The following CSGALNACT1 variants were observed in gnomAD, a reference collection of about 807,000 sequenced individuals.
The protein encoded by CSGALNACT1 is beta4GalNAcT-1.
Under a neutral mutation model 51.0 loss-of-function variants are expected in CSGALNACT1, and 52 were observed. That is an observed-to-expected ratio of 1.02 (90% CI 0.82 to 1.29). The LOEUF (loss-of-function observed/expected upper bound fraction) is 1.29. Among genes scored for constraint, CSGALNACT1 ranks in the 50% most tolerant of loss-of-function variants. The pLI is 0.00. For missense variants in CSGALNACT1, 935 were observed against 679.2 expected (o/e 1.38, Z -4.19); for synonymous variants, 341 against 254.4 (o/e 1.34, Z -3.24).
intron 1 of CSGALNACT1, among the ~76,000 whole-genome samples, chr8:19,719,686 G>A (rs1387041157): frequency 3.3e-5 from 5 of 152,144 alleles, no homozygotes; most frequent in Non-Finnish European, 7.3e-5. Context: ...CACAGTTAAA[G>A]CCACTCATTC....
intron 1 of CSGALNACT1, among the ~76,000 whole-genome samples, chr8:19,657,403 T>C (rs371556589): frequency 1.3e-5 from 2 of 152,198 alleles, no homozygotes; most frequent in Non-Finnish European, 2.9e-5. Context: ...GAAGAAATAA[T>C]GGTTGGATAT....
At chr8:19,654,840 C>A (rs1376543311) in intron 1 of CSGALNACT1, among the ~76,000 whole-genome samples, 1 of 152,076 alleles carries the variant, frequency 6.6e-6, no homozygotes, top group East Asian at 1.9e-4. Flanking sequence ...GCCACTGTGC[C>A]CAGCCTAAGT....
At chr8:19,589,528 G>A (rs58499968) in intron 3 of CSGALNACT1, among the ~76,000 whole-genome samples, 17,437 of 152,156 alleles carry the variant, frequency 0.11, 1,074 homozygotes, top group Middle Eastern at 0.15. Context: ...GTTTAATCAC[G>A]TTGGGTTGGC....
At chr8:19,585,240 T>A (rs887273023) in intron 3 of CSGALNACT1, 1 of 152,148 alleles carries the variant, frequency 6.6e-6, no homozygotes, top group African/African-American at 2.4e-5. Context: ...CCACAAAGGT[T>A]CTCTCCTCCA....
chr8:19,422,143 G>C (rs1358957269), intron 6 of CSGALNACT1, among the ~76,000 whole-genome samples: 1 of 151,734 alleles, frequency 6.6e-6, no homozygotes, highest in African/African-American at 2.4e-5. Context: ...TTTTTCTTTG[G>C]TTAAAAAAAC....
intron 3 of CSGALNACT1, among the ~76,000 whole-genome samples, chr8:19,508,053 T>C (rs1316790493): frequency 3.3e-5 from 5 of 152,250 alleles, no homozygotes; most frequent in Non-Finnish European, 7.3e-5. Flanking sequence ...ATTCTTTATA[T>C]AGTCTTCACC....
intron 1 of CSGALNACT1, among the ~76,000 whole-genome samples, chr8:19,702,208 A>G (rs1465003190): frequency 6.6e-6 from 1 of 152,104 alleles, no homozygotes; most frequent in East Asian, 1.9e-4. Context: ...AGCCCTTCCC[A>G]AAGGTATTCA....
chr8:19,481,947 G>A (rs1292909548), intron 4 of CSGALNACT1, among the ~76,000 whole-genome samples: 3 of 152,206 alleles, frequency 2.0e-5, no homozygotes, highest in Non-Finnish European at 4.4e-5. Context: ...AATGCTGGCA[G>A]GAGTGCAGGG....
At chr8:19,473,109 T>A (rs1167229714) in intron 4 of CSGALNACT1, among the ~76,000 whole-genome samples, 1 of 152,202 alleles carries the variant, frequency 6.6e-6, no homozygotes, top group African/African-American at 2.4e-5. Flanking sequence ...GAAAGCAGAA[T>A]GCAATTGCTA....
chr8:19,755,606 C>A lies in CSGALNACT1; in HGVS notation c.-297+2244G>T, dbSNP rs1457184258. ...TATTGGCATTTTACAAATTAGGACA[C>A]CAAGGCTAGGAAAGGGGAAGTAACT... On this transcript the variant is annotated intron_variant, in intron 1 of 1. Coordinates refer to the CSGALNACT1 transcript ENST00000517494. 2.6e-5 allele frequency among the ~76,000 whole-genome samples: 4 copies of A among 151,994 alleles called. No individual in the cohort carries two copies. The East Asian group carries it at 5.8e-4, about 22-fold the overall frequency.
intron 1 of CSGALNACT1, among the ~76,000 whole-genome samples, chr8:19,620,680 C>A (rs1440735544): frequency 6.6e-6 from 1 of 152,190 alleles, no homozygotes; most frequent in African/African-American, 2.4e-5. Context: ...ACAATCCTCC[C>A]ACCTTGGCCT....
At chr8:19,712,057 G>A (rs1340394442) in intron 1 of CSGALNACT1, among the ~76,000 whole-genome samples, 1 of 151,944 alleles carries the variant, frequency 6.6e-6, no homozygotes, top group African/African-American at 2.4e-5. Flanking sequence ...ACAGAGTCTC[G>A]CTCTGTCATC....
chr8:19,406,170 G>T, intron 9 of CSGALNACT1, 101 bp from the exon 9 acceptor site: 10 of 1,340,278 alleles, frequency 7.5e-6, no homozygotes, highest in Non-Finnish European at 1.1e-5. Context: ...TGACTGGGGG[G>T]GATGCGTGCT....
intron 1 of CSGALNACT1, among the ~76,000 whole-genome samples, chr8:19,677,739 T>G (rs562098733): frequency 6.0e-4 from 91 of 152,010 alleles, no homozygotes; most frequent in African/African-American, 2.2e-3. Flanking sequence ...TAAGGAAAGG[T>G]GAGATGTTGA....
chr8:19,456,271 G>C (rs1306823913), intron 5 of CSGALNACT1, among the ~76,000 whole-genome samples: 1 of 152,184 alleles, frequency 6.6e-6, no homozygotes, highest in African/African-American at 2.4e-5. Context: ...CCTACAGTGA[G>C]GACTTGTCCT....
intron 1 of CSGALNACT1, among the ~76,000 whole-genome samples, chr8:19,611,977 A>G (rs148796201): frequency 6.6e-6 from 1 of 151,824 alleles, no homozygotes; most frequent in East Asian, 1.9e-4. Flanking sequence ...TAATTCTAAG[A>G]CTCCATCCAG....
chr8:19,475,773 C>G (rs1344992915), intron 4 of CSGALNACT1, among the ~76,000 whole-genome samples: 1 of 152,204 alleles, frequency 6.6e-6, no homozygotes, highest in Non-Finnish European at 1.5e-5. Flanking sequence ...CGCTAAACTC[C>G]TGTGTTGTGG....
intron 1 of CSGALNACT1, among the ~76,000 whole-genome samples, chr8:19,755,478 A>AAAAAAAAAAAAAAAAAAAAAC (rs2065307974): frequency 6.8e-6 from 1 of 147,824 alleles, no homozygotes; most frequent in Admixed American, 6.7e-5. Flanking sequence ...AAAAAAAAAA[A>AAAAAAAAAAAAAAAAAAAAAC]AAAGACAACA....
chr8:19,657,264 GAT>G lies in CSGALNACT1; in HGVS notation c.-544+25207_-544+25208del, dbSNP rs2058365601. Among the ~76,000 whole-genome samples the G allele has an allele frequency of 4.1e-5, 6 of 146,716 alleles. No homozygotes were observed. In the South Asian group the frequency reaches 1.3e-3, roughly 31 times the overall value. On this transcript the variant is annotated intron_variant, in intron 1 of 9. Coordinates refer to the CSGALNACT1 transcript ENST00000332246. ...TGATAAACTGAAAGATAAACTGAAA[GAT>G]AAACTGAAAGATAAACTGAAAGATA...
Sources: gnomAD v4.1 joint callset for allele counts (sites outside exome capture counted in the v4.1 genomes callset) on GRCh38, gnomAD v4.1.1 for gene constraint, MANE v1.5 for transcripts, NCBI Gene and HGNC (gene_info 2026-07-23, HGNC 2026-07-21) for gene names.